Variants in CDH2 observed in about 807,000 individuals in gnomAD.
CDH2 encodes cadherin-2.
In CDH2, 17 loss-of-function variants were observed where a neutral mutation model predicts 92.0. The observed-to-expected ratio is 0.18, with a 90% CI of 0.13 to 0.28. The LOEUF (loss-of-function observed/expected upper bound fraction) is 0.28. Ranked by LOEUF, CDH2 falls within the 10% of genes least tolerant of loss-of-function variation. CDH2 has a pLI of 1.00. For synonymous variants in CDH2, 419 were observed against 415.9 expected, an observed-to-expected ratio of 1.01 and a Z score of -0.09; for missense variants, 862 against 1,133.1, an observed-to-expected ratio of 0.76 and a Z score of 3.44.
At chr18:28,134,905 T>C (rs549792582) in intron 2 of CDH2, among the ~76,000 whole-genome samples, 1 of 152,088 alleles carries the variant, frequency 6.6e-6, no homozygotes, top group South Asian at 2.1e-4. Flanking sequence ...TACTGGCATG[T>C]AGGGGATGGG....
intron 2 of CDH2, chr18:28,146,394 T>TAA (rs1354879816): frequency 6.6e-6 from 1 of 152,056 alleles, no homozygotes; most frequent in Non-Finnish European, 1.5e-5. Flanking sequence ...AAAAGTCATA[T>TAA]TAAGTTAAAG....
intron 14 of CDH2, among the ~76,000 whole-genome samples, chr18:27,976,864 A>C (rs1288367739): frequency 1.3e-5 from 2 of 152,214 alleles, no homozygotes; most frequent in African/African-American, 4.8e-5. Flanking sequence ...AAAAAGCAGA[A>C]GGCTAACAGT....
At chr18:28,142,336 A>G (rs959884359) in intron 2 of CDH2, among the ~76,000 whole-genome samples, 1 of 151,994 alleles carries the variant, frequency 6.6e-6, no homozygotes, top group African/African-American at 2.4e-5. Context: ...AGAACTACAA[A>G]AGGACTTTAT....
At chr18:28,054,081 C>T (rs2014245624) in intron 2 of CDH2, among the ~76,000 whole-genome samples, 1 of 152,142 alleles carries the variant, frequency 6.6e-6, no homozygotes. Flanking sequence ...TTGACAAAAA[C>T]AGGACTGGAT....
chr18:28,091,008 T>C (rs2015026963), intron 2 of CDH2, among the ~76,000 whole-genome samples: 1 of 152,198 alleles, frequency 6.6e-6, no homozygotes, highest in Non-Finnish European at 1.5e-5. Context: ...ATGCTAGTCC[T>C]CCGGGCAGTT....
intron 2 of CDH2, among the ~76,000 whole-genome samples, chr18:28,139,298 C>T (rs1307349954): frequency 1.3e-5 from 2 of 151,914 alleles, no homozygotes; most frequent in Non-Finnish European, 2.9e-5. Context: ...TCACTTTTTC[C>T]CTCCCCACTG....
intron 2 of CDH2, among the ~76,000 whole-genome samples, chr18:28,125,916 T>C (rs976778982): frequency 5.9e-5 from 9 of 152,326 alleles, no homozygotes; most frequent in Admixed American, 3.3e-4. Context: ...TTTTCCTTAA[T>C]TTTGAACTGA....
At chr18:27,972,062 C>T (rs900400750) in intron 14 of CDH2, among the ~76,000 whole-genome samples, 7 of 152,150 alleles carry the variant, frequency 4.6e-5, no homozygotes, top group Middle Eastern at 3.4e-3. Flanking sequence ...AGAAAAGTGG[C>T]GGGTTTGTTC....
At chr18:28,096,697 A>G (rs2015140888) in intron 2 of CDH2, among the ~76,000 whole-genome samples, 1 of 152,242 alleles carries the variant, frequency 6.6e-6, no homozygotes. Context: ...GTGTATTGAC[A>G]CAATCTAATA....
intron 2 of CDH2, among the ~76,000 whole-genome samples, chr18:28,103,646 C>T (rs182978619): frequency 6.6e-5 from 10 of 151,750 alleles, no homozygotes; most frequent in Admixed American, 6.6e-4. Context: ...TGCTATCCAT[C>T]CCCCTAGCCC....
chr18:28,027,547 C>T (rs927833241), intron 2 of CDH2, among the ~76,000 whole-genome samples: 7 of 151,764 alleles, frequency 4.6e-5, no homozygotes, highest in Non-Finnish European at 7.4e-5. Flanking sequence ...ATCAAAACAG[C>T]AGTAGGGATG....
chr18:28,176,207 T>C (rs1359302977), intron 1 of CDH2, among the ~76,000 whole-genome samples: 2 of 151,912 alleles, frequency 1.3e-5, no homozygotes, highest in Non-Finnish European at 1.5e-5. Context: ...CCGGGGCGCA[T>C]ATAGGGCACA....
In CDH2 at chr18:27,941,723, T is replaced by C. The variant is rs557099666; in HGVS notation, c.1152-8599A>G. 5.3e-5 allele frequency among the ~76,000 whole-genome samples: 8 copies of C among 152,344 alleles called. 1 individual carries two copies. In the East Asian group the frequency reaches 1.2e-3, roughly 22 times the overall value. ...TAGAATTAGGTGAGCCAGGCTAAAATAGATGGTTCTGCTAACATAGCTGAG... is the reference window on the plus strand; with the variant it reads ...TAGAATTAGGTGAGCCAGGCTAAAACAGATGGTTCTGCTAACATAGCTGAG... On this transcript the variant is annotated intron_variant, in intron 6 of 6. Transcript: ENST00000675173.
chr18:28,033,083 C>T (rs2013738606), intron 2 of CDH2, among the ~76,000 whole-genome samples: 1 of 151,924 alleles, frequency 6.6e-6, no homozygotes, highest in African/African-American at 2.4e-5. Context: ...GATCTGAGCA[C>T]CAAAGAATAA....
chr18:28,123,957 A>G (rs117287435), intron 2 of CDH2, among the ~76,000 whole-genome samples: 2 of 152,296 alleles, frequency 1.3e-5, no homozygotes, highest in Middle Eastern at 3.4e-3. Context: ...GATAAAACTT[A>G]TGTTAAATTC....
At chr18:27,992,344 C>T (rs1224636355) in intron 9 of CDH2, among the ~76,000 whole-genome samples, 1 of 152,050 alleles carries the variant, frequency 6.6e-6, no homozygotes, top group African/African-American at 2.4e-5. Flanking sequence ...AAAAACTGTC[C>T]AAACTGATTC....
intron 2 of CDH2, among the ~76,000 whole-genome samples, chr18:28,115,403 T>C (rs1202981624): frequency 1.3e-5 from 2 of 152,308 alleles, no homozygotes; most frequent in South Asian, 2.1e-4. Context: ...TGTGCTGTCC[T>C]GGTGCTGACC....
chr18:27,964,476 C>T (rs17493178), intron 14 of CDH2, among the ~76,000 whole-genome samples: 1,751 of 152,282 alleles, frequency 0.011, 38 homozygotes, highest in African/African-American at 0.04. Context: ...CCCAAGCTTA[C>T]CCAACATTCT....
intron 2 of CDH2, among the ~76,000 whole-genome samples, chr18:28,129,868 T>C (rs936423182): frequency 2.0e-5 from 3 of 152,298 alleles, no homozygotes; most frequent in Admixed American, 6.5e-5. Context: ...CCAGTAAACA[T>C]AATTTATAGA....
Sources: allele counts gnomAD v4.1 joint callset (sites outside exome capture counted in the v4.1 genomes callset), GRCh38; gene constraint gnomAD v4.1.1; transcripts MANE v1.5; gene names NCBI Gene and HGNC (gene_info 2026-07-23, HGNC 2026-07-21).